The following UBE2E3 variants were observed in gnomAD, a reference collection of about 807,000 sequenced individuals.
The protein encoded by UBE2E3 is ubiquitin conjugating enzyme E2 E3, also known as ubiquitin-conjugating enzyme E2 E3.
In UBE2E3, 5 loss-of-function variants were observed where a neutral mutation model predicts 23.6. That is an observed-to-expected ratio of 0.21 (90% confidence interval 0.11 to 0.44). The LOEUF (loss-of-function observed/expected upper bound fraction) is 0.44, where lower values mean the gene tolerates loss of function less well. Among genes scored for constraint, UBE2E3 ranks in the 20% least tolerant of loss-of-function variants. The probability of loss-of-function intolerance (pLI) is 0.99; values close to 1 mark genes in which losing one functional copy is unlikely to be tolerated. For missense variants in UBE2E3, 81 were observed against 249.8 expected, an observed-to-expected ratio of 0.32 and a Z score of 4.55; for synonymous variants, 78 against 87.5, an observed-to-expected ratio of 0.89 and a Z score of 0.60.
At chr2:181,018,822 C>T (rs979741888) in intron 3 of UBE2E3, among the ~76,000 whole-genome samples, 11 of 151,816 alleles carry the variant, frequency 7.2e-5, no homozygotes, top group Admixed American at 3.3e-4. Context: ...AAAGCTCATG[C>T]CTTTTATATA....
chr2:181,023,779 G>A (rs977081256), intron 3 of UBE2E3, among the ~76,000 whole-genome samples: 4 of 151,926 alleles, frequency 2.6e-5, no homozygotes, highest in East Asian at 1.9e-4. Flanking sequence ...TTTAAATGAC[G>A]ATGATAAAAT....
intron 3 of UBE2E3, among the ~76,000 whole-genome samples, chr2:181,003,569 T>C (rs1685049236): frequency 6.6e-6 from 1 of 152,218 alleles, no homozygotes; most frequent in South Asian, 2.1e-4. Context: ...TGGATTGTGA[T>C]TTTACTCAGT....
intron 3 of UBE2E3, among the ~76,000 whole-genome samples, chr2:181,048,089 C>T (rs1308589722): frequency 1.3e-5 from 2 of 152,134 alleles, no homozygotes; most frequent in Non-Finnish European, 2.9e-5. Flanking sequence ...TCAGCTTCTA[C>T]TGATAAACCC....
chr2:181,004,726 A>T (rs887127162), intron 3 of UBE2E3, among the ~76,000 whole-genome samples: 1 of 152,216 alleles, frequency 6.6e-6, no homozygotes, highest in African/African-American at 2.4e-5. Flanking sequence ...TGTCCTTTGC[A>T]CATGCTTACA....
At chr2:181,014,025 A>G (rs1333926141) in intron 3 of UBE2E3, among the ~76,000 whole-genome samples, 3 of 152,216 alleles carry the variant, frequency 2.0e-5, no homozygotes, top group Non-Finnish European at 2.9e-5. Context: ...TAAGAAGTAG[A>G]TAATACAAAA....
intron 3 of UBE2E3, among the ~76,000 whole-genome samples, chr2:181,040,233 T>C (rs970572549): frequency 6.6e-6 from 1 of 152,248 alleles, no homozygotes; most frequent in Non-Finnish European, 1.5e-5. Context: ...CTTTCTGATA[T>C]ACCCAGTTAA....
At chr2:180,993,116 T>A (rs1393164558) in intron 3 of UBE2E3, among the ~76,000 whole-genome samples, 1 of 152,152 alleles carries the variant, frequency 6.6e-6, no homozygotes, top group Non-Finnish European at 1.5e-5. Flanking sequence ...TTTATAAGGG[T>A]GTATAGAGAA....
intron 3 of UBE2E3, among the ~76,000 whole-genome samples, chr2:181,030,224 A>G (rs1321069978): frequency 6.6e-6 from 1 of 152,094 alleles, no homozygotes; most frequent in Non-Finnish European, 1.5e-5. Context: ...ATTTTAATGA[A>G]TACTTTATCT....
intron 3 of UBE2E3, among the ~76,000 whole-genome samples, chr2:180,990,377 A>G (rs1684620080): frequency 6.6e-6 from 1 of 152,138 alleles, no homozygotes; most frequent in Admixed American, 6.5e-5. Flanking sequence ...CCTCCTATAG[A>G]TATTTGTTCC....
intron 3 of UBE2E3, among the ~76,000 whole-genome samples, chr2:180,985,157 C>T (rs57670948): frequency 0.018 from 2,742 of 152,078 alleles, 69 homozygotes; most frequent in African/African-American, 0.063. Context: ...CTGATTTATC[C>T]GATGAATGAA....
At chr2:181,060,531 A>T (rs1421164853) in intron 4 of UBE2E3, 134 bp from the exon 5 acceptor site, 3 of 987,350 alleles carry the variant, frequency 3.0e-6, no homozygotes, top group African/African-American at 3.4e-5. Context: ...TTTTGTTATT[A>T]AACCTAATCT....
chr2:181,017,522 G>A (rs879118721), intron 3 of UBE2E3, among the ~76,000 whole-genome samples: 2 of 151,934 alleles, frequency 1.3e-5, no homozygotes, highest in Admixed American at 6.6e-5. Context: ...AGGGAAGACA[G>A]CGTGTATGTG....
At chr2:181,038,798 A>T (rs747295236) in intron 3 of UBE2E3, among the ~76,000 whole-genome samples, 4 of 152,242 alleles carry the variant, frequency 2.6e-5, no homozygotes, top group Non-Finnish European at 5.9e-5. Flanking sequence ...GATGTTACTG[A>T]TGAAGCTGTA....
intron 3 of UBE2E3, among the ~76,000 whole-genome samples, chr2:181,003,631 T>A (rs1685051755): frequency 6.6e-6 from 1 of 151,854 alleles, no homozygotes; most frequent in Admixed American, 6.6e-5. Flanking sequence ...ATTTGAATAT[T>A]ATAAAACTTT....
chr2:180,999,373 A>G (rs1459013787), intron 3 of UBE2E3, among the ~76,000 whole-genome samples: 1 of 152,154 alleles, frequency 6.6e-6, no homozygotes, highest in African/African-American at 2.4e-5. Flanking sequence ...CCTTTTGGGT[A>G]CTGTGAATAG....
At chr2:181,062,715 T>G (rs1687196179) in intron 5 of UBE2E3, 76 bp from the exon 6 acceptor site, 1 of 753,474 alleles carries the variant, frequency 1.3e-6, no homozygotes, top group Admixed American at 3.0e-5. Flanking sequence ...AAGCATTTCA[T>G]TTTAATAGAA....
In UBE2E3 at chr2:180,999,143, G is replaced by C. The variant is rs1372447370; in HGVS notation, c.245+15050G>C. ...TAATCTCACTGATGAACAAGAATATGAAAATTATAAAAGGTCGAATTTATT... is the reference window on the plus strand; with the variant it reads ...TAATCTCACTGATGAACAAGAATATCAAAATTATAAAAGGTCGAATTTATT... On this transcript the variant is annotated intron_variant, in intron 3 of 5. Coordinates refer to ENST00000410062, the MANE Select transcript of UBE2E3 (RefSeq NM_006357.4). Among the ~76,000 whole-genome samples, 5 of 152,060 alleles carry C rather than the reference G, an allele frequency of 3.3e-5. No homozygotes were observed. In the East Asian group the frequency reaches 9.6e-4, roughly 29 times the overall value.
At chr2:181,055,767 G>T (rs1156952392) in intron 3 of UBE2E3, among the ~76,000 whole-genome samples, 1 of 151,704 alleles carries the variant, frequency 6.6e-6, no homozygotes, top group Non-Finnish European at 1.5e-5. Flanking sequence ...TAAGAACTAA[G>T]AATTTGGTGT....
At chr2:181,057,337 A>C (rs1343359771) in intron 3 of UBE2E3, among the ~76,000 whole-genome samples, 1 of 151,788 alleles carries the variant, frequency 6.6e-6, no homozygotes, top group Non-Finnish European at 1.5e-5. Flanking sequence ...GCCGTGTGCA[A>C]CTTTCAGGTG....
Sources: gnomAD v4.1 joint callset for allele counts (sites outside exome capture counted in the v4.1 genomes callset) on GRCh38, gnomAD v4.1.1 for gene constraint, MANE v1.5 for transcripts, NCBI Gene and HGNC (gene_info 2026-07-23, HGNC 2026-07-21) for gene names.